The following ASTN2 variants were observed in gnomAD, a reference collection of about 807,000 sequenced individuals.
The protein encoded by ASTN2 is astrotactin 2.
Under a neutral mutation model 139.8 loss-of-function variants are expected in ASTN2, and 54 were observed. That is an observed-to-expected ratio of 0.39 (90% confidence interval 0.31 to 0.48). The LOEUF (loss-of-function observed/expected upper bound fraction) is 0.48. Among genes scored for constraint, ASTN2 ranks in the 20% least tolerant of loss-of-function variants. The pLI is 0.95. For synonymous variants in ASTN2, 756 were observed against 719.5 expected (o/e 1.05, Z -0.81); for missense variants, 1,565 against 1,725.1 (o/e 0.91, Z 1.64).
chr9:116,726,608 T>C (rs967107253), intron 15 of ASTN2, among the ~76,000 whole-genome samples: 2 of 152,194 alleles, frequency 1.3e-5, no homozygotes, highest in African/African-American at 4.8e-5. Flanking sequence ...TCCTGTAGCA[T>C]TGCTTTTCTT....
At position 117,214,549 on chromosome 9, in the gene ASTN2, G is replaced by T; in HGVS notation, c.824C>A (p.Thr275Asn). The T allele has an allele frequency of 6.2e-7, 1 of 1,613,262 alleles. No homozygotes were observed. The highest frequency in any genetic ancestry group is 2.2e-5 in the East Asian group (1 of 44,836). ...RESFRSSRLQTHNSVIGVPIR... is the reference protein window; with the variant it reads ...RESFRSSRLQNHNSVIGVPIR... ...GGGCACGCCAATGACGGAATTGTGG[G>T]TTTGCAGCCGGGATGAACGGAAGCT... Residue 275 changes from threonine (T) to asparagine (N), a missense_variant, in exon 3 of 23, where the codon ACC becomes AAC. Transcript: ENST00000313400.
At chr9:117,106,172 A>C (rs1273720776) in intron 4 of ASTN2, among the ~76,000 whole-genome samples, 2 of 152,064 alleles carry the variant, frequency 1.3e-5, no homozygotes, top group Non-Finnish European at 2.9e-5. Context: ...CAGTCATCTG[A>C]GGTTGCTTAT....
At chr9:116,629,412 C>T (rs1588110638) in intron 17 of ASTN2, among the ~76,000 whole-genome samples, 4 of 152,120 alleles carry the variant, frequency 2.6e-5, no homozygotes, top group Admixed American at 6.6e-5. Flanking sequence ...CCACCGCGCC[C>T]GGCCTGTTTC....
intron 1 of ASTN2, among the ~76,000 whole-genome samples, chr9:117,411,446 C>CAAAAAA (rs199996219): frequency 3.7e-4 from 16 of 43,240 alleles, no homozygotes; most frequent in African/African-American, 1.3e-3. Flanking sequence ...AAAGGATCTG[C>CAAAAAA]AAAAAAAAAA....
At chr9:116,606,432 C>T (rs182906902) in intron 19 of ASTN2, among the ~76,000 whole-genome samples, 87 of 152,190 alleles carry the variant, frequency 5.7e-4, no homozygotes, top group Non-Finnish European at 8.8e-5. Context: ...CATGTGTGCA[C>T]ATGGGAGAAA....
intron 20 of ASTN2, 122 bp from the exon 21 acceptor site, chr9:116,442,675 A>G: frequency 5.0e-6 from 4 of 795,308 alleles, no homozygotes; most frequent in East Asian, 2.6e-5. Context: ...TAAAAAAAGA[A>G]TGATACTTAT....
intron 13 of ASTN2, among the ~76,000 whole-genome samples, chr9:116,785,749 C>A (rs1830356441): frequency 6.6e-6 from 1 of 152,150 alleles, no homozygotes; most frequent in East Asian, 1.9e-4. Context: ...CTGCCCACCT[C>A]TCTCCATGCT....
At chr9:116,956,219 C>T (rs899978368) in intron 10 of ASTN2, among the ~76,000 whole-genome samples, 4 of 150,552 alleles carry the variant, frequency 2.7e-5, no homozygotes, top group Admixed American at 2.0e-4. Context: ...CCTCAGCCTC[C>T]CAAGTAGCTG....
At chr9:117,214,841 G>C in intron 2 of ASTN2, 99 bp from the exon 3 acceptor site, 1 of 1,285,470 alleles carries the variant, frequency 7.8e-7, no homozygotes, top group Non-Finnish European at 9.9e-7. Flanking sequence ...AGGATCCCTG[G>C]GTTTGGCTCA....
chr9:116,616,288 T>C (rs1399379255), intron 19 of ASTN2, among the ~76,000 whole-genome samples: 3 of 152,186 alleles, frequency 2.0e-5, no homozygotes, highest in South Asian at 4.1e-4. Context: ...TCTGCTGATA[T>C]AGAAGAGGTA....
intron 20 of ASTN2, among the ~76,000 whole-genome samples, chr9:116,469,205 G>A (rs1166713655): frequency 6.6e-6 from 1 of 152,126 alleles, no homozygotes; most frequent in Admixed American, 6.6e-5. Context: ...TAGGGAGGGT[G>A]TCACATTTAA....
chr9:117,381,746 G>A (rs532301798), intron 1 of ASTN2, among the ~76,000 whole-genome samples: 41 of 152,214 alleles, frequency 2.7e-4, no homozygotes, highest in South Asian at 8.3e-4. Context: ...TGTGTGAACA[G>A]ACTAATACAA....
At chr9:116,757,815 T>C (rs1348682868) in intron 13 of ASTN2, among the ~76,000 whole-genome samples, 1 of 152,172 alleles carries the variant, frequency 6.6e-6, no homozygotes, top group African/African-American at 2.4e-5. Context: ...AGACCAATCA[T>C]CTTCTGAGCC....
Position 116,651,662 on chromosome 9 carries a change from T to A in ASTN2, c.2938A>T (p.Lys980Ter). 6.2e-7 allele frequency: 1 copy of A among 1,614,064 alleles called. No homozygotes were observed. ...TGACAGGTAGATGGACAGCGCCCCT[T>A]CTCCTCACAGCGAATCTCCACACCT... ...ISGVEIRCEE[K>*]GRCPSTCHLC... Residue 980 changes from lysine to a stop codon, truncating the protein, a stop_gained, in exon 17 of 23, where the codon AAG becomes TAG. Transcript: ENST00000313400. LOFTEE classifies it high-confidence loss of function.
chr9:117,124,729 A>T (rs1829642547), intron 4 of ASTN2, among the ~76,000 whole-genome samples: 1 of 151,744 alleles, frequency 6.6e-6, no homozygotes, highest in Non-Finnish European at 1.5e-5. Flanking sequence ...CTATTGCTTC[A>T]CAGAGGTTGA....
chr9:116,586,076 G>A (rs531402216), intron 19 of ASTN2: 1 of 152,238 alleles, frequency 6.6e-6, no homozygotes, highest in East Asian at 1.9e-4. Flanking sequence ...CAGAGAAACA[G>A]AAATCAAAAC....
At chr9:117,183,013 C>T (rs1831113267) in intron 3 of ASTN2, among the ~76,000 whole-genome samples, 2 of 152,208 alleles carry the variant, frequency 1.3e-5, no homozygotes, top group African/African-American at 4.8e-5. Flanking sequence ...TGGTTGAACG[C>T]TACATACCCT....
chr9:117,387,639 G>A (rs1830433299), intron 1 of ASTN2, among the ~76,000 whole-genome samples: 1 of 152,168 alleles, frequency 6.6e-6, no homozygotes, highest in Admixed American at 6.5e-5. Context: ...GAATCACAGG[G>A]AGAATGGCAG....
At chr9:116,932,869 G>C (rs957096890) in intron 10 of ASTN2, among the ~76,000 whole-genome samples, 31 of 151,976 alleles carry the variant, frequency 2.0e-4, no homozygotes, top group Non-Finnish European at 3.2e-4. Context: ...AGCTGGGCAT[G>C]GTGGCACGCA....
Sources: gnomAD v4.1 joint callset for allele counts (sites outside exome capture counted in the v4.1 genomes callset) on GRCh38, gnomAD v4.1.1 for gene constraint, MANE v1.5 for transcripts, NCBI Gene and HGNC (gene_info 2026-07-23, HGNC 2026-07-21) for gene names.